Variants in PPIE observed in about 807,000 individuals in gnomAD.
The protein encoded by PPIE is peptidylprolyl isomerase E.
In PPIE, 20 loss-of-function variants were observed where a neutral mutation model predicts 38.4. That is an observed-to-expected ratio of 0.52 (90% confidence interval 0.37 to 0.76). The LOEUF (loss-of-function observed/expected upper bound fraction) is 0.76, where lower values mean the gene tolerates loss of function less well. PPIE is among the 30% of genes least tolerant of loss of function. The pLI, the probability that PPIE is intolerant of heterozygous loss-of-function variation, is 0.00. For synonymous variants in PPIE, 142 were observed against 135.7 expected, an observed-to-expected ratio of 1.05 and a Z score of -0.32; for missense variants, 322 against 385.8, an observed-to-expected ratio of 0.83 and a Z score of 1.39.
rs751793340 is a variant in PPIE, at chr1:39,745,440, C to T, written c.450C>T (p.Asn150=). The T allele has an allele frequency of 2.0e-5, 33 of 1,614,144 alleles. No individual in the cohort carries two copies. The highest frequency in any genetic ancestry group is 3.3e-4 in the Middle Eastern group (2 of 6,084). ...PQVYMDIKIG[N]KPAGRIQMLL... ...TGTACATGGACATCAAGATTGGGAA[C>T]AAGCCGGCTGGCCGCATCCAGATGC... is the stretch of plus-strand genomic sequence containing the variant. The change falls in exon 7 of 10, where the codon AAC becomes AAT. Residue 150 remains asparagine, a synonymous_variant. Transcript: ENST00000324379.
At chr1:39,746,940 G>T (rs1057280628) in intron 7 of PPIE, 1 of 152,042 alleles carries the variant, frequency 6.6e-6, no homozygotes, top group Admixed American at 6.6e-5. Context: ...CTTATTAAAG[G>T]TACCTATTAA....
Position 39,743,880 on chromosome 1 carries a change from A to G in PPIE, c.340A>G (p.Lys114Glu). The G allele has an allele frequency of 6.2e-7, 1 of 1,613,934 alleles. No homozygotes were observed. The highest frequency in any genetic ancestry group is 8.5e-7 in the Non-Finnish European group (1 of 1,179,942). Residue 114 changes from lysine (K) to glutamate (E), a missense_variant, in exon 6 of 10, where the codon AAA becomes GAA. By Grantham distance (56) the Lys-to-Glu change is moderately conservative (BLOSUM62 1). Coordinates refer to ENST00000324379, the MANE Select transcript of PPIE (RefSeq NM_006112.4). Reference sequence around the variant, plus strand: ...TTCTGGGAAGACGCTTGAAGAGAATAAAGAGGAAGAAGGGTCAGAGCCTCC... The same window carrying G: ...TTCTGGGAAGACGCTTGAAGAGAATGAAGAGGAAGAAGGGTCAGAGCCTCC... ...KFSGKTLEENKEEEGSEPPKA... is the reference protein window; with the variant it reads ...KFSGKTLEENEEEEGSEPPKA...
downstream of PPIE, chr1:39,757,322 T>C (rs908397096): frequency 1.3e-5 from 2 of 152,270 alleles, no homozygotes; most frequent in Non-Finnish European, 2.9e-5. Context: ...ATATTTAGTC[T>C]TTATAATAGC....
At chr1:39,762,458 A>T in intron 9 of PPIE, 1 of 1,496,386 alleles carries the variant, frequency 6.7e-7, no homozygotes, top group Admixed American at 2.5e-5. Context: ...AAACACACAG[A>T]GCACTCAACA....
chr1:39,746,689 G>C (rs1647216616), intron 7 of PPIE: 1 of 152,208 alleles, frequency 6.6e-6, no homozygotes, highest in South Asian at 2.1e-4. Context: ...CCTTTCCTCT[G>C]AGCTTTTGGA....
intron 8 of PPIE, among the ~76,000 whole-genome samples, chr1:39,751,484 T>C (rs1320186667): frequency 2.6e-5 from 4 of 152,086 alleles, no homozygotes; most frequent in African/African-American, 9.7e-5. Flanking sequence ...GCCTCCCAAA[T>C]AGCTGGGATT....
At chr1:39,746,961 C>T (rs969103712) in intron 7 of PPIE, 1 of 152,126 alleles carries the variant, frequency 6.6e-6, no homozygotes, top group African/African-American at 2.4e-5. Flanking sequence ...ATAATAACTC[C>T]CCATTTTCTC....
At chr1:39,749,219 T>C (rs1569683769) in intron 8 of PPIE, 131 bp downstream of exon 8, 2 of 933,802 alleles carry the variant, frequency 2.1e-6, no homozygotes, top group East Asian at 2.6e-5. Context: ...CCACCAGACA[T>C]AGGAGAACCA....
rs756625833 is a variant in PPIE, at chr1:39,753,379, C to T, written c.*24C>T. 1.2e-6 allele frequency: 2 copies of T among 1,611,314 alleles called. No homozygotes were observed. Among genetic ancestry groups the T allele is most frequent in the South Asian group, 1.1e-5 (1 of 90,568 alleles). The stretch of plus-strand genomic sequence containing the variant: ...GAGGCGGCACTCTCTCTGCTTCCCC[C>T]TCCGCTCTTGACCCTGCATATCCAG... On this transcript the variant is annotated 3_prime_UTR_variant, in exon 10 of 10. Transcript: ENST00000324379.
intron 5 of PPIE, 87 bp downstream of exon 5, chr1:39,743,384 A>T: frequency 8.8e-7 from 1 of 1,132,692 alleles, no homozygotes; most frequent in Non-Finnish European, 1.3e-6. Context: ...TTGGAAGTAG[A>T]TGCTAAATGC....
chr1:39,741,717 G>C (rs1227756632), intron 3 of PPIE, 178 bp from the exon 4 acceptor site: 1 of 675,446 alleles, frequency 1.5e-6, no homozygotes, highest in East Asian at 2.7e-5. Flanking sequence ...ATGGCAAATT[G>C]TTGCACCACC....
rs112508974 is a variant in PPIE, at chr1:39,745,752, A to G, written c.508+254A>G. The G allele has an allele frequency of 2.2e-3, 1,012 of 451,576 alleles. 10 individuals carry two copies. The highest frequency in any genetic ancestry group is 0.017 in the African/African-American group (900 of 51,682). 28.0% of individuals were successfully genotyped at this position (451,576 alleles called of 1,614,324 possible). ...AAATAATGTATTCTTTTTTTTAAAG[A>G]ATAGCATATACATATATTCCAATAA... On this transcript the variant is annotated intron_variant, in intron 7 of 9. Transcript: ENST00000324379.
chr1:39,750,821 G>A (rs1307809881), intron 8 of PPIE, among the ~76,000 whole-genome samples: 2 of 152,134 alleles, frequency 1.3e-5, no homozygotes, highest in Non-Finnish European at 2.9e-5. Context: ...CCTGTGCTCC[G>A]TTTTTCTAAC....
chr1:39,738,911 C>A lies in PPIE; in HGVS notation c.11C>A (p.Thr4Asn). The A allele has an allele frequency of 6.6e-7, 1 of 1,504,616 alleles. No individual in the cohort carries two copies. The highest frequency in any genetic ancestry group is 8.9e-7 in the Non-Finnish European group (1 of 1,128,310). The allele number at this position is 1,504,616 out of a possible 1,614,324, so 93.2% of individuals were successfully genotyped here. Reference protein sequence around the residue: MATTKRVLYVGGLA... With the variant: MATNKRVLYVGGLA... ...AAGCGCGCGAGCAAGATGGCCACCA[C>A]CAAGCGCGTCTTGTACGTGGGTGAG... is the stretch of plus-strand genomic sequence containing the variant. The change falls in exon 1 of 10, where the codon ACC becomes AAC. Residue 4 changes from threonine to asparagine, a missense_variant. Physicochemically the swap from Thr to Asn is moderately conservative, Grantham distance 65. Coordinates refer to ENST00000324379, the MANE Select transcript of PPIE (RefSeq NM_006112.4).
intron 8 of PPIE, among the ~76,000 whole-genome samples, chr1:39,750,146 A>G (rs77859841): frequency 6.6e-6 from 1 of 152,016 alleles, no homozygotes; most frequent in Admixed American, 6.6e-5. Flanking sequence ...AAAAAAAAAA[A>G]CAAACTTCAT....
downstream of PPIE, chr1:39,760,352 G>T: frequency 1.3e-6 from 2 of 1,599,100 alleles, no homozygotes; most frequent in Non-Finnish European, 1.7e-6. Context: ...GGGTTTGAGG[G>T]TTTCCTGCTT....
chr1:39,762,456 A>T, intron 9 of PPIE: 1 of 1,493,658 alleles, frequency 6.7e-7, no homozygotes, highest in Non-Finnish European at 8.9e-7. Context: ...ACAAACACAC[A>T]GAGCACTCAA....
In PPIE at chr1:39,741,882, C is replaced by CT. The variant is rs879084046; in HGVS notation, c.175-10dup. 1.9e-6 allele frequency: 3 copies of CT among 1,614,232 alleles called. No individual in the cohort carries two copies. In the South Asian group the frequency reaches 3.3e-5, roughly 18 times the overall value. On this transcript the variant is annotated splice_polypyrimidine_tract_variant and intron_variant, in intron 3 of 9. Transcript: ENST00000324379. ...TGCAAGCCTAAACTTGTACCTTTGT[C>CT]TTTCCTTGGCAGGATGCTGCAGCAG...
At position 39,753,665 on chromosome 1, in the gene PPIE, C is replaced by T. The variant is rs1002275786; in HGVS notation, c.*310C>T. ...CCTGGGACTACCAGTGTGGCTCTTA[C>T]GTGTTTTCTTTGCTAAAATAAACCC... On this transcript the variant is annotated 3_prime_UTR_variant, in exon 10 of 10. Coordinates refer to ENST00000324379, the MANE Select transcript of PPIE (RefSeq NM_006112.4). 90 of 1,179,666 alleles carry T rather than the reference C, an allele frequency of 7.6e-5. No homozygotes were observed. In the East Asian group the frequency reaches 2.1e-3, roughly 27 times the overall value. 73.1% of individuals were successfully genotyped at this position (1,179,666 alleles called of 1,614,324 possible).
Sources: allele counts gnomAD v4.1 joint callset (sites outside exome capture counted in the v4.1 genomes callset), GRCh38; gene constraint gnomAD v4.1.1; transcripts MANE v1.5; gene names NCBI Gene and HGNC (gene_info 2026-07-23, HGNC 2026-07-21).